The following AKR1C1 variants were observed in gnomAD, a reference collection of about 807,000 sequenced individuals.
AKR1C1 encodes the protein 20 alpha-hydroxysteroid dehydrogenase.
AKR1C1 carries 32 observed loss-of-function variants against 40.6 expected under a neutral mutation model. That is an observed-to-expected ratio of 0.79 (90% CI 0.60 to 1.06). The LOEUF is 1.06. Ranked by LOEUF, AKR1C1 falls within the 50% of genes least tolerant of loss-of-function variation. The pLI, the probability that AKR1C1 is intolerant of heterozygous loss-of-function variation, is 0.00. For missense variants in AKR1C1, 320 were observed against 363.5 expected, an observed-to-expected ratio of 0.88 and a Z score of 0.97; for synonymous variants, 105 against 134.2, an observed-to-expected ratio of 0.78 and a Z score of 1.50.
At chr10:4,967,429 T>A (rs1836350284) in intron 3 of AKR1C1, 39 of 1,003,258 alleles carry the variant, frequency 3.9e-5, no homozygotes, top group Admixed American at 5.7e-5. Flanking sequence ...TGAGTTTCCA[T>A]CTTCTTGCCT....
chr10:4,965,146 C>T (rs540272726), intron 1 of AKR1C1, among the ~76,000 whole-genome samples: 2 of 152,270 alleles, frequency 1.3e-5, no homozygotes, highest in Admixed American at 6.5e-5. Context: ...AATATGATTC[C>T]GGGTAAAGTC....
intron 2 of AKR1C1, among the ~76,000 whole-genome samples, chr10:4,966,581 A>G (rs2904801): frequency 2.0e-5 from 3 of 152,364 alleles, no homozygotes; most frequent in East Asian, 3.9e-4. Flanking sequence ...AAGATACTTA[A>G]TCTTGCCCAT....
intron 7 of AKR1C1, 81 bp downstream of exon 7, chr10:4,972,830 C>G: frequency 6.6e-7 from 1 of 1,523,096 alleles, no homozygotes; most frequent in Non-Finnish European, 8.8e-7. Flanking sequence ...CTCAGGACAG[C>G]CTTGGGCCAG....
At chr10:4,973,380 G>T (rs1554770114) in intron 7 of AKR1C1, among the ~76,000 whole-genome samples, 1 of 152,144 alleles carries the variant, frequency 6.6e-6, no homozygotes, top group East Asian at 1.9e-4. Flanking sequence ...TCTCATGTGT[G>T]TTCAGGGCAG....
At chr10:4,973,653 T>C (rs1479438162) in intron 7 of AKR1C1, among the ~76,000 whole-genome samples, 46 of 152,148 alleles carry the variant, frequency 3.0e-4, no homozygotes, top group African/African-American at 1.1e-3. Flanking sequence ...CCACCTCTTG[T>C]TGGAAGGAGC....
rs1213516516 is a variant in AKR1C1, at chr10:4,980,979, C to G, written c.*3237C>G. 1 of 152,176 alleles carries G rather than the reference C, an allele frequency of 6.6e-6. No homozygotes were observed. Among genetic ancestry groups the G allele is most frequent in the Non-Finnish European group, 1.5e-5 (1 of 68,038 alleles). The allele number at this position is 152,176 out of a possible 1,614,324, so 9.4% of individuals were successfully genotyped here. ...CCATAAAACAAGAACATCAAAATTA[C>G]TCTATGATCCATGGGAAACAGAATG... is the stretch of plus-strand genomic sequence containing the variant. On this transcript the variant is annotated 3_prime_UTR_variant, in exon 9 of 9. Coordinates refer to ENST00000380872, the MANE Select transcript of AKR1C1 (RefSeq NM_001353.6).
At chr10:4,973,387 G>A (rs1157560884) in intron 7 of AKR1C1, among the ~76,000 whole-genome samples, 1 of 152,150 alleles carries the variant, frequency 6.6e-6, no homozygotes, top group African/African-American at 2.4e-5. Context: ...TGTGTTCAGG[G>A]CAGTGAGGCA....
At position 4,979,414 on chromosome 10, in the gene AKR1C1, G is replaced by A. The variant is rs1370041725; in HGVS notation, c.*1672G>A. ...AAAGTCTAATGGACATTCACACTTA[G>A]CATGTCTCAAAGAAATCTCATGTAA... On this transcript the variant is annotated 3_prime_UTR_variant, in exon 9 of 9. Coordinates refer to ENST00000380872, the MANE Select transcript of AKR1C1 (RefSeq NM_001353.6). The A allele has an allele frequency of 6.6e-6, 1 of 152,104 alleles. No homozygotes were observed. Among genetic ancestry groups the A allele is most frequent in the Non-Finnish European group, 1.5e-5 (1 of 68,028 alleles). 9.4% of individuals were successfully genotyped at this position (152,104 alleles called of 1,614,324 possible).
chr10:4,964,908 C>A (rs1836307873), intron 1 of AKR1C1, among the ~76,000 whole-genome samples: 1 of 152,194 alleles, frequency 6.6e-6, no homozygotes, highest in African/African-American at 2.4e-5. Context: ...CTGCTGGTAT[C>A]TGATAAGGTG....
intron 7 of AKR1C1, among the ~76,000 whole-genome samples, chr10:4,974,404 T>C (rs1269490728): frequency 6.6e-6 from 1 of 152,018 alleles, no homozygotes; most frequent in African/African-American, 2.4e-5. Context: ...TTCTCTGTGG[T>C]TATGTTTTCA....
intron 8 of AKR1C1, among the ~76,000 whole-genome samples, chr10:4,977,464 T>G (rs1404080487): frequency 6.6e-6 from 1 of 152,228 alleles, no homozygotes; most frequent in Non-Finnish European, 1.5e-5. Flanking sequence ...CATTTCACTT[T>G]GTGTGTTTTA....
At position 4,981,429 on chromosome 10, in the gene AKR1C1, T is replaced by C. The variant is rs1296343621; in HGVS notation, c.*3687T>C. 6 of 152,210 alleles carry C rather than the reference T, an allele frequency of 3.9e-5. No individual in the cohort carries two copies. Among genetic ancestry groups the C allele is most frequent in the Non-Finnish European group, 5.9e-5 (4 of 68,044 alleles). 9.4% of individuals were successfully genotyped at this position (152,210 alleles called of 1,614,324 possible). On this transcript the variant is annotated 3_prime_UTR_variant, in exon 9 of 9. Coordinates refer to ENST00000380872, the MANE Select transcript of AKR1C1 (RefSeq NM_001353.6). Reference sequence around the variant, plus strand: ...AGCAAAAGGTAACAGATGTCAACTATGAGATCTCATCAAGAACTAAGAAAA... The same window carrying C: ...AGCAAAAGGTAACAGATGTCAACTACGAGATCTCATCAAGAACTAAGAAAA...
intron 5 of AKR1C1, chr10:4,969,613 T>A: frequency 6.3e-7 from 1 of 1,581,562 alleles, no homozygotes; most frequent in Admixed American, 1.8e-5. Context: ...CTGCTCTTCT[T>A]TGGAGTCTGT....
intron 8 of AKR1C1, among the ~76,000 whole-genome samples, chr10:4,976,356 A>G (rs543090865): frequency 6.6e-6 from 1 of 152,132 alleles, no homozygotes; most frequent in Admixed American, 6.5e-5. Flanking sequence ...AGTTCCGTCA[A>G]TCTTGTGGGC....
At chr10:4,972,062 T>C in intron 5 of AKR1C1, 139 bp from the exon 6 acceptor site, 2 of 1,219,180 alleles carry the variant, frequency 1.6e-6, no homozygotes, top group Middle Eastern at 2.1e-4. Context: ...TTTATTTTTA[T>C]GAAAAAGATC....
At position 4,969,360 on chromosome 10, in the gene AKR1C1, G is replaced by C. The variant is rs550430361; in HGVS notation, c.570+416G>C. 6.6e-5 allele frequency among the ~76,000 whole-genome samples: 10 copies of C among 152,360 alleles called. No homozygotes were observed. In the East Asian group the frequency reaches 1.7e-3, roughly 26 times the overall value. The stretch of plus-strand genomic sequence containing the variant: ...AGGAGAGAGTGAGAGCAAGAGAAGA[G>C]AAATACTAGGGATTCACATGGGCTT... On this transcript the variant is annotated intron_variant, in intron 5 of 8. Transcript: ENST00000380872.
At position 4,968,874 on chromosome 10, in the gene AKR1C1, A is replaced by G. The variant is rs749485571; in HGVS notation, c.500A>G (p.Asn167Ser). 3 of 1,614,168 alleles carry G rather than the reference A, an allele frequency of 1.9e-6. No homozygotes were observed. The highest frequency in any genetic ancestry group is 4.5e-5 in the East Asian group (2 of 44,880). Residue 167 changes from asparagine (N) to serine (S), a missense_variant, in exon 5 of 9, where the codon AAC becomes AGC. By Grantham distance (46) the Asn-to-Ser change is conservative. Coordinates refer to ENST00000380872, the MANE Select transcript of AKR1C1 (RefSeq NM_001353.6). ...TTGGCCAAGTCCATCGGGGTGTCCAACTTCAACCGCAGGCAGCTGGAGATG... is the reference window on the plus strand; with the variant it reads ...TTGGCCAAGTCCATCGGGGTGTCCAGCTTCAACCGCAGGCAGCTGGAGATG... ...AGLAKSIGVS[N>S]FNRRQLEMIL...
At position 4,972,866 on chromosome 10, in the gene AKR1C1, A is replaced by C. The variant is rs1373001150; in HGVS notation, c.846+117A>C. The C allele has an allele frequency of 2.1e-5, 30 of 1,450,904 alleles. No homozygotes were observed. In the East Asian group the frequency reaches 7.2e-4, roughly 35 times the overall value. 89.9% of individuals were successfully genotyped at this position (1,450,904 alleles called of 1,614,324 possible). ...CTCCATTTCCCTGTATTTCCTATGC[A>C]TGAACTCTTTGTGTACGTCATAAGG... On this transcript the variant is annotated intron_variant, in intron 7 of 8. Coordinates refer to ENST00000380872, the MANE Select transcript of AKR1C1 (RefSeq NM_001353.6).
At position 4,978,251 on chromosome 10, in the gene AKR1C1, C is replaced by T. The variant is rs1554770712; in HGVS notation, c.*509C>T. ...AATTCATGGGCTCCCTCCAGCAGTGCGAGGGTCAGAGTTTCTGGAGCCTTG... is the reference window on the plus strand; with the variant it reads ...AATTCATGGGCTCCCTCCAGCAGTGTGAGGGTCAGAGTTTCTGGAGCCTTG... On this transcript the variant is annotated 3_prime_UTR_variant, in exon 9 of 9. Transcript: ENST00000380872. The T allele has an allele frequency of 2.0e-5, 3 of 148,802 alleles. No homozygotes were observed. The highest frequency in any genetic ancestry group is 2.2e-4 in the South Asian group (1 of 4,642). The allele number at this position is 148,802 out of a possible 1,614,324, so 9.2% of individuals were successfully genotyped here. A position where few individuals can be genotyped will look rare whatever the true frequency, so the allele number is the denominator to read the frequency against.
Sources: allele counts gnomAD v4.1 joint callset (sites outside exome capture counted in the v4.1 genomes callset), GRCh38; gene constraint gnomAD v4.1.1; transcripts MANE v1.5; gene names NCBI Gene and HGNC (gene_info 2026-07-23, HGNC 2026-07-21).